GOLGB1: variants seen among roughly 807,000 people sequenced by gnomAD.
GOLGB1 encodes golgin subfamily B member 1.
Under a neutral mutation model 336.9 loss-of-function variants are expected in GOLGB1, and 174 were observed. The ratio of observed to expected loss-of-function variants is 0.52; its 90% CI spans 0.46 to 0.59. The LOEUF is 0.59. GOLGB1 is among the 20% of genes least tolerant of loss of function. The probability of loss-of-function intolerance (pLI) is 0.00; values close to 1 mark genes in which losing one functional copy is unlikely to be tolerated. For missense variants in GOLGB1, 3,331 were observed against 3,645.3 expected, an observed-to-expected ratio of 0.91 and a Z score of 2.22; for synonymous variants, 1,208 against 1,289.2, an observed-to-expected ratio of 0.94 and a Z score of 1.35.
chr3:121,714,525 CAA>C (rs375629665), intron 10 of GOLGB1, among the ~76,000 whole-genome samples: 5 of 125,694 alleles, frequency 4.0e-5, no homozygotes, highest in East Asian at 2.2e-4. Flanking sequence ...CTTAGTTTAC[CAA>C]AAAAAAAAAA....
At chr3:121,686,290 CCT>C (rs36015517) in intron 14 of GOLGB1, among the ~76,000 whole-genome samples, 19,123 of 152,004 alleles carry the variant, frequency 0.13, 1,405 homozygotes, top group African/African-American at 0.19. Flanking sequence ...GTTTTCATTC[CCT>C]CTTTCTGATG....
chr3:121,669,419 T>A, intron 17 of GOLGB1, 64 bp from the exon 18 acceptor site: 1 of 1,326,620 alleles, frequency 7.5e-7, no homozygotes, highest in Non-Finnish European at 1.0e-6. Context: ...GGTGAAATGT[T>A]CTGAGTTTTC....
intron 1 of GOLGB1, among the ~76,000 whole-genome samples, chr3:121,745,452 G>A (rs1183843559): frequency 6.6e-5 from 8 of 121,874 alleles, no homozygotes; most frequent in Admixed American, 4.3e-4. Context: ...ATATGTACAC[G>A]TGTATGTATA....
chr3:121,663,235 G>A lies in GOLGB1; in HGVS notation c.*1245C>T, dbSNP rs1309584769. The A allele has an allele frequency of 6.6e-6, 1 of 152,092 alleles. No individual in the cohort carries two copies. Among genetic ancestry groups the A allele is most frequent in the South Asian group, 2.1e-4 (1 of 4,824 alleles). 9.4% of individuals were successfully genotyped at this position (152,092 alleles called of 1,614,324 possible). Reference sequence around the variant, plus strand: ...AAAATAATTTTATTATTTTACAGTTGTTCAGGAAACTTCCCAGGATGTTGT... The same window carrying A: ...AAAATAATTTTATTATTTTACAGTTATTCAGGAAACTTCCCAGGATGTTGT... On this transcript the variant is annotated 3_prime_UTR_variant, in exon 22 of 22. Coordinates refer to ENST00000614479, the MANE Select transcript of GOLGB1 (RefSeq NM_001366282.2).
At chr3:121,731,467 G>A (rs996111424) in intron 1 of GOLGB1, among the ~76,000 whole-genome samples, 2 of 151,476 alleles carry the variant, frequency 1.3e-5, no homozygotes, top group African/African-American at 2.4e-5. Flanking sequence ...GGGCTCAAGC[G>A]ATCCTGCCAC....
intron 10 of GOLGB1, among the ~76,000 whole-genome samples, chr3:121,703,275 C>T (rs1943555618): frequency 6.6e-6 from 1 of 152,154 alleles, no homozygotes; most frequent in African/African-American, 2.4e-5. Flanking sequence ...ACCCCGAAAT[C>T]TTCATTCAAT....
chr3:121,694,405 T>C lies in GOLGB1; in HGVS notation c.6118A>G (p.Ile2040Val). The C allele has an allele frequency of 6.2e-7, 1 of 1,613,430 alleles. No individual in the cohort carries two copies. Among genetic ancestry groups the C allele is most frequent in the Non-Finnish European group, 8.5e-7 (1 of 1,179,558 alleles). ...TTAACAGTTCTCTCCAGAGCACTAA[T>C]TTTCTCTTGATACCTGATGCAGTCC... is the stretch of plus-strand genomic sequence containing the variant. ...QKDCIRYQEK[I>V]SALERTVKAL... is the part of the protein sequence containing the mutation. Residue 2040 changes from isoleucine to valine, a missense_variant, in exon 13 of 22, where the codon ATT becomes GTT. Transcript: ENST00000614479.
chr3:121,709,882 T>TG (rs1263923189), intron 10 of GOLGB1, among the ~76,000 whole-genome samples: 1 of 151,806 alleles, frequency 6.6e-6, no homozygotes, highest in Non-Finnish European at 1.5e-5. Context: ...TTTGAAAAGA[T>TG]GGGGGAAAAA....
chr3:121,684,859 G>C (rs1048916516), intron 14 of GOLGB1, among the ~76,000 whole-genome samples: 3 of 152,164 alleles, frequency 2.0e-5, no homozygotes, highest in African/African-American at 7.2e-5. Flanking sequence ...ATCTAATATA[G>C]GAGAAAGGTA....
intron 4 of GOLGB1, among the ~76,000 whole-genome samples, chr3:121,728,079 TGAGGAGA>T (rs1560309612): frequency 1.3e-5 from 2 of 151,882 alleles, no homozygotes. Context: ...CAAAGCAATA[TGAGGAGA>T]GAGGTTGGTG....
intron 19 of GOLGB1, 141 bp downstream of exon 19, chr3:121,667,920 T>C: frequency 1.7e-6 from 1 of 573,722 alleles, no homozygotes; most frequent in Middle Eastern, 3.2e-4. Context: ...TGTTACTATT[T>C]GATCCTCACA....
At chr3:121,688,796 C>T (rs1482580410) in intron 14 of GOLGB1, among the ~76,000 whole-genome samples, 1 of 151,370 alleles carries the variant, frequency 6.6e-6, no homozygotes, top group Non-Finnish European at 1.5e-5. Context: ...CTCTGCTCCG[C>T]CGCCCCGTCT....
chr3:121,721,962 C>T (rs565738397), intron 6 of GOLGB1, among the ~76,000 whole-genome samples: 12 of 152,232 alleles, frequency 7.9e-5, no homozygotes, highest in African/African-American at 2.9e-4. Flanking sequence ...GAATCTCTGT[C>T]TGCTATTAAA....
Position 121,730,901 on chromosome 3 carries a change from T to A in GOLGB1, c.71A>T (p.Gln24Leu). Reference protein sequence around the residue: ...HELSGDDDTDQNMRAPLDPEL... With the variant: ...HELSGDDDTDLNMRAPLDPEL... Reference sequence around the variant, plus strand: ...AGGGTCTAGGGGAGCCCTCATATTCTGATCAGTGTCATCATCTCCTGATAA... The same window carrying A: ...AGGGTCTAGGGGAGCCCTCATATTCAGATCAGTGTCATCATCTCCTGATAA... The change falls in exon 2 of 22, where the codon CAG (glutamine) becomes CTG (leucine). Residue 24 changes from glutamine to leucine, a missense_variant. By Grantham distance (113) the Gln-to-Leu change is moderately radical (BLOSUM62 -2). Transcript: ENST00000614479. 1 of 1,612,638 alleles carries A rather than the reference T, an allele frequency of 6.2e-7. No homozygotes were observed. The highest frequency in any genetic ancestry group is 8.5e-7 in the Non-Finnish European group (1 of 1,178,778).
Position 121,663,250 on chromosome 3 carries a change from C to G in GOLGB1, c.*1230G>C, listed in dbSNP as rs1182815478. On this transcript the variant is annotated 3_prime_UTR_variant, in exon 22 of 22. Transcript: ENST00000614479. ...TTTTACAGTTGTTCAGGAAACTTCC[C>G]AGGATGTTGTAACCAAGATTTAATC... is the stretch of plus-strand genomic sequence containing the variant. 2.0e-5 allele frequency: 3 copies of G among 152,142 alleles called. No homozygotes were observed. Among genetic ancestry groups the G allele is most frequent in the Non-Finnish European group, 4.4e-5 (3 of 68,056 alleles). The allele number at this position is 152,142 out of a possible 1,614,324, so 9.4% of individuals were successfully genotyped here. A position where few individuals can be genotyped will look rare whatever the true frequency, so the allele number is the denominator to read the frequency against.
Position 121,669,219 on chromosome 3 carries a change from A to G in GOLGB1, c.9314T>C (p.Leu3105Pro). 1 of 1,613,718 alleles carries G rather than the reference A, an allele frequency of 6.2e-7. No individual in the cohort carries two copies. Among genetic ancestry groups the G allele is most frequent in the Non-Finnish European group, 8.5e-7 (1 of 1,179,944 alleles). ...CAVLEKQVQE[L>P]QAGPLNIDVA... ...CACCTTCTCTTTACTCACCGCCTGC[A>G]GCTCTTGAACCTGCTTCTCCAAGAC... is the stretch of plus-strand genomic sequence containing the variant. The change falls in exon 18 of 22, where the codon CTG (leucine) becomes CCG (proline). Residue 3105 changes from leucine to proline, a missense_variant. Coordinates refer to ENST00000614479, the MANE Select transcript of GOLGB1 (RefSeq NM_001366282.2).
chr3:121,732,316 T>C (rs948035249), intron 1 of GOLGB1, among the ~76,000 whole-genome samples: 1 of 152,190 alleles, frequency 6.6e-6, no homozygotes, highest in Non-Finnish European at 1.5e-5. Flanking sequence ...ATACCAATTT[T>C]ATATAATCTA....
chr3:121,724,393 T>C (rs1242138171), intron 5 of GOLGB1, among the ~76,000 whole-genome samples: 2 of 152,158 alleles, frequency 1.3e-5, no homozygotes, highest in Non-Finnish European at 2.9e-5. Context: ...AGCAATGAAC[T>C]TGGCTGAACT....
At chr3:121,699,081 A>C in intron 12 of GOLGB1, 152 bp from the exon 13 acceptor site, 1 of 570,512 alleles carries the variant, frequency 1.8e-6, no homozygotes, top group Non-Finnish European at 2.9e-6. Flanking sequence ...TCCTTTTAAA[A>C]TCAGTTTGTA....
Sources: gnomAD v4.1 joint callset for allele counts (sites outside exome capture counted in the v4.1 genomes callset) on GRCh38, gnomAD v4.1.1 for gene constraint, MANE v1.5 for transcripts, NCBI Gene and HGNC (gene_info 2026-07-23, HGNC 2026-07-21) for gene names.